Variants in AGBL1 observed in about 807,000 individuals in gnomAD.
AGBL1 encodes AGBL carboxypeptidase 1.
Under a neutral mutation model 118.9 loss-of-function variants are expected in AGBL1, and 130 were observed. That is an observed-to-expected ratio of 1.09 (90% CI 0.95 to 1.26). The LOEUF (loss-of-function observed/expected upper bound fraction) is 1.26. Among genes scored for constraint, AGBL1 ranks in the 50% most tolerant of loss-of-function variants. The pLI is 0.00. For missense variants in AGBL1, 1,584 were observed against 1,298.1 expected, an observed-to-expected ratio of 1.22 and a Z score of -3.38; for synonymous variants, 555 against 478.9, an observed-to-expected ratio of 1.16 and a Z score of -2.08.
intron 21 of AGBL1, among the ~76,000 whole-genome samples, chr15:86,665,999 T>C (rs2085637809): frequency 6.6e-6 from 1 of 152,174 alleles, no homozygotes; most frequent in African/African-American, 2.4e-5. Flanking sequence ...CTTTTTCTTA[T>C]CTGTAAGGGA....
intron 18 of AGBL1, among the ~76,000 whole-genome samples, chr15:86,452,548 G>A (rs1340393514): frequency 4.6e-5 from 7 of 152,110 alleles, no homozygotes; most frequent in African/African-American, 1.7e-4. Context: ...AGCTAGTGTA[G>A]AAGCTCAGGG....
At chr15:86,659,492 C>T (rs1257180302) in intron 21 of AGBL1, among the ~76,000 whole-genome samples, 1 of 152,146 alleles carries the variant, frequency 6.6e-6, no homozygotes, top group East Asian at 1.9e-4. Context: ...GTTTTCTCTT[C>T]TGTCTATAGC....
At chr15:86,944,955 G>A (rs1596659800) in intron 23 of AGBL1, among the ~76,000 whole-genome samples, 1 of 152,152 alleles carries the variant, frequency 6.6e-6, no homozygotes, top group African/African-American at 2.4e-5. Flanking sequence ...AAATCAGAAT[G>A]TATGGTCATC....
At chr15:86,650,805 A>G (rs1036749357) in intron 21 of AGBL1, among the ~76,000 whole-genome samples, 4 of 152,142 alleles carry the variant, frequency 2.6e-5, no homozygotes, top group Non-Finnish European at 4.4e-5. Flanking sequence ...TCCCAGACCT[A>G]TGGATTCTGA....
At chr15:86,817,919 A>G (rs952434429) in intron 22 of AGBL1, among the ~76,000 whole-genome samples, 1 of 152,198 alleles carries the variant, frequency 6.6e-6, no homozygotes, top group African/African-American at 2.4e-5. Flanking sequence ...ACATAGAAAG[A>G]AGACAGTCAT....
chr15:86,866,901 C>T (rs1168073356), intron 22 of AGBL1, among the ~76,000 whole-genome samples: 1 of 152,160 alleles, frequency 6.6e-6, no homozygotes, highest in East Asian at 1.9e-4. Flanking sequence ...AGAAAAGCTT[C>T]CCAGAGAAGA....
intron 1 of AGBL1, among the ~76,000 whole-genome samples, chr15:86,088,655 C>G (rs1307376406): frequency 6.6e-6 from 1 of 152,162 alleles, no homozygotes; most frequent in Non-Finnish European, 1.5e-5. Context: ...GGGTGTGCCA[C>G]TCAAAAAGCG....
chr15:86,291,162 T>G (rs937937431), intron 16 of AGBL1, among the ~76,000 whole-genome samples: 1 of 152,188 alleles, frequency 6.6e-6, no homozygotes, highest in Non-Finnish European at 1.5e-5. Context: ...TAGTATGTTG[T>G]CTGAGCTTTT....
chr15:86,950,956 G>A (rs536751186), intron 23 of AGBL1, among the ~76,000 whole-genome samples: 2 of 152,186 alleles, frequency 1.3e-5, no homozygotes, highest in South Asian at 2.1e-4. Flanking sequence ...TGAGATAAAC[G>A]AAGTGTGTCT....
At chr15:86,248,726 A>G (rs889637405) in intron 7 of AGBL1, among the ~76,000 whole-genome samples, 1 of 152,228 alleles carries the variant, frequency 6.6e-6, no homozygotes, top group Admixed American at 6.5e-5. Flanking sequence ...CTATAGGGAA[A>G]ACCTCCTAGC....
chr15:86,901,381 T>C (rs2080209921), intron 22 of AGBL1, among the ~76,000 whole-genome samples: 1 of 152,136 alleles, frequency 6.6e-6, no homozygotes, highest in Non-Finnish European at 1.5e-5. Context: ...TATCATGGTG[T>C]GAGATAGGGT....
At chr15:87,021,684 AG>A (rs2081666523) in intron 24 of AGBL1, among the ~76,000 whole-genome samples, 1 of 152,182 alleles carries the variant, frequency 6.6e-6, no homozygotes, top group African/African-American at 2.4e-5. Context: ...ACGTGAGCAA[AG>A]CACATGAACA....
chr15:86,728,732 A>G (rs1424061990), intron 22 of AGBL1, among the ~76,000 whole-genome samples: 1 of 151,798 alleles, frequency 6.6e-6, no homozygotes, highest in Non-Finnish European at 1.5e-5. Context: ...CACATCTTTT[A>G]AAATTTTGTG....
chr15:86,867,811 G>A (rs1046825239), intron 22 of AGBL1, among the ~76,000 whole-genome samples: 2 of 152,156 alleles, frequency 1.3e-5, no homozygotes, highest in Non-Finnish European at 2.9e-5. Flanking sequence ...AAATGGATAG[G>A]ATTGACTTTA....
intron 21 of AGBL1, among the ~76,000 whole-genome samples, chr15:86,651,707 T>A (rs1053081938): frequency 6.6e-6 from 1 of 152,318 alleles, no homozygotes; most frequent in East Asian, 1.9e-4. Flanking sequence ...CCTCCATAGA[T>A]TGCTAATAAG....
At chr15:86,200,560 C>CG (rs2095320533) in intron 5 of AGBL1, among the ~76,000 whole-genome samples, 1 of 138,770 alleles carries the variant, frequency 7.2e-6, no homozygotes, top group African/African-American at 2.7e-5. Flanking sequence ...ACCCCCCCCC[C>CG]CCTTTTTTTT....
At chr15:86,338,103 C>A (rs2080402982) in intron 17 of AGBL1, among the ~76,000 whole-genome samples, 2 of 151,842 alleles carry the variant, frequency 1.3e-5, no homozygotes, top group Non-Finnish European at 2.9e-5. Context: ...GAAAGAATAG[C>A]AAAATGGAGG....
chr15:86,493,074 G>A (rs1017143132), intron 18 of AGBL1, among the ~76,000 whole-genome samples: 2 of 151,974 alleles, frequency 1.3e-5, no homozygotes, highest in East Asian at 3.9e-4. Context: ...CACACCTGTA[G>A]TCCCAGCTAC....
intron 20 of AGBL1, among the ~76,000 whole-genome samples, chr15:86,552,342 G>C (rs2346731): frequency 0.6 from 91,119 of 151,514 alleles, 28,092 homozygotes; most frequent in East Asian, 0.89. Context: ...GAGAGAGATA[G>C]AACCTATGGA....
Sources: gnomAD v4.1 joint callset for allele counts (sites outside exome capture counted in the v4.1 genomes callset) on GRCh38, gnomAD v4.1.1 for gene constraint, MANE v1.5 for transcripts, NCBI Gene and HGNC (gene_info 2026-07-23, HGNC 2026-07-21) for gene names.